The following RIN2 variants were observed in gnomAD, a reference collection of about 807,000 sequenced individuals.
RIN2 encodes RAB5 interacting protein 2.
RIN2 carries 36 observed loss-of-function variants against 78.0 expected under a neutral mutation model. The observed-to-expected ratio is 0.46, with a 90% CI of 0.35 to 0.61. The LOEUF (loss-of-function observed/expected upper bound fraction) is 0.61. Ranked by LOEUF, RIN2 falls within the 20% of genes least tolerant of loss-of-function variation. The pLI, the probability that RIN2 is intolerant of heterozygous loss-of-function variation, is 0.00. For synonymous variants in RIN2, 466 were observed against 466.8 expected, an observed-to-expected ratio of 1.00 and a Z score of 0.02; for missense variants, 1,087 against 1,159.7, an observed-to-expected ratio of 0.94 and a Z score of 0.91.
chr20:19,759,910 G>C (rs748707188), intron 1 of RIN2, among the ~76,000 whole-genome samples: 20 of 152,162 alleles, frequency 1.3e-4, no homozygotes, highest in Non-Finnish European at 2.5e-4. Flanking sequence ...GTCATATCCA[G>C]TCTCCCTCCC....
At chr20:19,873,153 C>A (rs1336880071) in intron 2 of RIN2, among the ~76,000 whole-genome samples, 7 of 150,872 alleles carry the variant, frequency 4.6e-5, no homozygotes, top group Non-Finnish European at 1.0e-4. Flanking sequence ...GAGACAGAGT[C>A]TTGCTCTATC....
intron 4 of RIN2, among the ~76,000 whole-genome samples, chr20:19,951,393 G>A (rs990092919): frequency 2.0e-5 from 3 of 152,150 alleles, no homozygotes; most frequent in African/African-American, 7.2e-5. Context: ...ACATTCAGGT[G>A]AGTCATATTT....
intron 2 of RIN2, among the ~76,000 whole-genome samples, chr20:19,846,342 G>A (rs1397088208): frequency 6.6e-6 from 1 of 152,130 alleles, no homozygotes; most frequent in Admixed American, 6.6e-5. Context: ...TCACGATATT[G>A]ATTCTTCCTA....
chr20:19,948,542 G>A (rs746694138), intron 4 of RIN2, among the ~76,000 whole-genome samples: 9 of 151,966 alleles, frequency 5.9e-5, no homozygotes, highest in South Asian at 2.1e-4. Flanking sequence ...CTACAGGAGC[G>A]CGCCACCACA....
chr20:19,844,659 T>TCTTCTTC (rs2036705914), intron 2 of RIN2, among the ~76,000 whole-genome samples: 2 of 140,254 alleles, frequency 1.4e-5, no homozygotes, highest in Non-Finnish European at 3.1e-5. Flanking sequence ...TTCTTCTTCT[T>TCTTCTTC]CTTCTTCTTC....
intron 3 of RIN2, among the ~76,000 whole-genome samples, chr20:19,928,774 C>T (rs1025352757): frequency 6.6e-6 from 1 of 152,106 alleles, no homozygotes; most frequent in Non-Finnish European, 1.5e-5. Flanking sequence ...ACCTGCCTTC[C>T]TCTCCCTCTT....
chr20:19,857,801 C>A (rs940376262), intron 2 of RIN2, among the ~76,000 whole-genome samples: 1 of 152,078 alleles, frequency 6.6e-6, no homozygotes, highest in Non-Finnish European at 1.5e-5. Context: ...GTCTGGGCAA[C>A]AAAGTGAGAC....
chr20:19,897,130 G>A (rs1049142922), intron 3 of RIN2, among the ~76,000 whole-genome samples: 1 of 152,078 alleles, frequency 6.6e-6, no homozygotes, highest in African/African-American at 2.4e-5. Context: ...TTTTGAGACA[G>A]AGTCTCTCTC....
chr20:19,839,853 GAGTA>G (rs1568801972), intron 2 of RIN2, among the ~76,000 whole-genome samples: 7 of 152,190 alleles, frequency 4.6e-5, no homozygotes. Flanking sequence ...TTTAAAGTGA[GAGTA>G]AGCAGTATCT....
chr20:19,935,745 A>T (rs62200441), intron 4 of RIN2: 30,731 of 375,630 alleles, frequency 0.082, 1,479 homozygotes, highest in East Asian at 0.23. Context: ...ACCTGTGCAC[A>T]TACTGCACAC....
chr20:19,842,213 TTTTG>T (rs4052743), intron 2 of RIN2, among the ~76,000 whole-genome samples: 84,666 of 149,434 alleles, frequency 0.57, 25,429 homozygotes, highest in African/African-American at 0.77. Flanking sequence ...TCTTTGTTTT[TTTTG>T]TTTGTTTGTT....
chr20:19,855,468 C>T (rs1383549295), intron 2 of RIN2, among the ~76,000 whole-genome samples: 14 of 152,280 alleles, frequency 9.2e-5, no homozygotes, highest in Non-Finnish European at 1.5e-5. Flanking sequence ...GCCAGCTCCT[C>T]CTCATACCTC....
chr20:19,968,272 C>G (rs531441256), intron 7 of RIN2, among the ~76,000 whole-genome samples: 1 of 152,300 alleles, frequency 6.6e-6, no homozygotes, highest in African/African-American at 2.4e-5. Flanking sequence ...TGTCCCCTCC[C>G]CTTTAGAAAT....
chr20:19,788,432 C>CAAAAA (rs1224663738), intron 1 of RIN2, among the ~76,000 whole-genome samples: 35 of 53,734 alleles, frequency 6.5e-4, no homozygotes, highest in South Asian at 1.4e-3. Context: ...CTGTCTCTGC[C>CAAAAA]AAAAAAAAAA....
chr20:19,801,327 G>A (rs2035234733), intron 2 of RIN2, among the ~76,000 whole-genome samples: 1 of 151,534 alleles, frequency 6.6e-6, no homozygotes, highest in Non-Finnish European at 1.5e-5. Context: ...TGGAGTTCTT[G>A]TTTGTTTGTT....
At position 19,956,595 on chromosome 20, in the gene RIN2, G is replaced by C. The variant is rs1172086900; in HGVS notation, c.159-20G>C. 2 of 1,609,636 alleles carry C rather than the reference G, an allele frequency of 1.2e-6. No individual in the cohort carries two copies. The highest frequency in any genetic ancestry group is 2.2e-5 in the East Asian group (1 of 44,706). On this transcript the variant is annotated intron_variant, in intron 4 of 12. Transcript: ENST00000255006. ...AATGGTACTGCAGCCAGCTGACCGT[G>C]CCGCTTCTCTTTCTCCTAGCATGGT...
At position 19,850,852 on chromosome 20, in the gene RIN2, T is replaced by G. The variant is rs181997634; in HGVS notation, c.-36-38714T>G. Among the ~76,000 whole-genome samples the G allele has an allele frequency of 6.7e-4, 102 of 152,268 alleles. 1 individual carries two copies. The East Asian group carries it at 0.018, about 27-fold the overall frequency. ...AGCCTGGCATGTTGGCACATGCCTG[T>G]AATCTCAGCTACTCAGGAGGCTGAG... On this transcript the variant is annotated intron_variant, in intron 2 of 12. Transcript: ENST00000255006.
chr20:19,972,297 A>T (rs530528303), intron 8 of RIN2, among the ~76,000 whole-genome samples: 11 of 152,154 alleles, frequency 7.2e-5, no homozygotes, highest in African/African-American at 1.4e-4. Context: ...ACCGGGTCTC[A>T]GTTCTCTCTC....
chr20:19,976,709 C>G (rs1238790368), intron 9 of RIN2, among the ~76,000 whole-genome samples: 2 of 152,204 alleles, frequency 1.3e-5, no homozygotes, highest in Non-Finnish European at 2.9e-5. Context: ...CACCAGGCAG[C>G]AGGAGCCTTT....
Sources: gnomAD v4.1 joint callset for allele counts (sites outside exome capture counted in the v4.1 genomes callset) on GRCh38, gnomAD v4.1.1 for gene constraint, MANE v1.5 for transcripts, NCBI Gene and HGNC (gene_info 2026-07-23, HGNC 2026-07-21) for gene names.